DTNA: variants seen among roughly 807,000 people sequenced by gnomAD.
DTNA encodes the protein dystrobrevin alpha.
DTNA carries 43 observed loss-of-function variants against 100.7 expected under a neutral mutation model. The ratio of observed to expected loss-of-function variants is 0.43; its 90% CI spans 0.33 to 0.55. The LOEUF is 0.55. Ranked by LOEUF, DTNA falls within the 20% of genes least tolerant of loss-of-function variation. The pLI is 0.04. For missense variants in DTNA, 798 were observed against 953.9 expected (o/e 0.84, Z 2.15); for synonymous variants, 349 against 347.9 (o/e 1.00, Z -0.04).
intron 1 of DTNA, among the ~76,000 whole-genome samples, chr18:34,638,951 C>T (rs1260794603): frequency 2.6e-5 from 4 of 152,150 alleles, no homozygotes; most frequent in African/African-American, 9.7e-5. Flanking sequence ...AAGTGATTCC[C>T]CAGCCTCAGC....
intron 1 of DTNA, among the ~76,000 whole-genome samples, chr18:34,605,174 A>C (rs12962606): frequency 0.068 from 10,308 of 151,786 alleles, 431 homozygotes; most frequent in African/African-American, 0.082. Context: ...TTTTTCTTGG[A>C]ATTTTCCCAC....
intron 4 of DTNA, among the ~76,000 whole-genome samples, chr18:34,795,009 C>T (rs1464170287): frequency 6.6e-6 from 1 of 152,128 alleles, no homozygotes; most frequent in African/African-American, 2.4e-5. Flanking sequence ...ATGTGGATTC[C>T]CCTGAATTAC....
At chr18:34,686,059 A>G (rs1384968669) in intron 1 of DTNA, among the ~76,000 whole-genome samples, 1 of 152,174 alleles carries the variant, frequency 6.6e-6, no homozygotes, top group Non-Finnish European at 1.5e-5. Context: ...GGGGTTTCCT[A>G]AATATACAAT....
At chr18:34,667,493 T>C (rs1385237270) in intron 1 of DTNA, among the ~76,000 whole-genome samples, 1 of 152,214 alleles carries the variant, frequency 6.6e-6, no homozygotes, top group Non-Finnish European at 1.5e-5. Flanking sequence ...GGCATCCCTG[T>C]CTTGTGCCAG....
At chr18:34,777,736 C>T (rs1196379913) in intron 3 of DTNA, among the ~76,000 whole-genome samples, 2 of 152,156 alleles carry the variant, frequency 1.3e-5, no homozygotes, top group Non-Finnish European at 2.9e-5. Flanking sequence ...TGCGAACTCA[C>T]TCACTATTAT....
At chr18:34,875,110 C>A in intron 17 of DTNA, 129 bp from the exon 18 acceptor site, 1 of 1,363,310 alleles carries the variant, frequency 7.3e-7, no homozygotes, top group Non-Finnish European at 1.0e-6. Context: ...ATTACCAACA[C>A]AATTACCTAG....
At chr18:34,558,348 A>G (rs2046320774) in intron 1 of DTNA, among the ~76,000 whole-genome samples, 1 of 152,224 alleles carries the variant, frequency 6.6e-6, no homozygotes, top group East Asian at 1.9e-4. Context: ...TCACCCTGGG[A>G]GCTGTAGACT....
chr18:34,761,122 T>G, intron 2 of DTNA, among the ~76,000 whole-genome samples: 1 of 143,300 alleles, frequency 7.0e-6, no homozygotes, highest in Admixed American at 7.1e-5. Flanking sequence ...TCTCCCTCCA[T>G]CCTTCACACA....
intron 1 of DTNA, among the ~76,000 whole-genome samples, chr18:34,598,144 G>A (rs1204076862): frequency 6.6e-6 from 1 of 151,800 alleles, no homozygotes; most frequent in Non-Finnish European, 1.5e-5. Flanking sequence ...ATGTCAAGTG[G>A]AGTCAGTAAA....
chr18:34,647,976 G>C (rs553871582), intron 1 of DTNA, among the ~76,000 whole-genome samples: 6 of 152,324 alleles, frequency 3.9e-5, no homozygotes, highest in African/African-American at 1.4e-4. Context: ...ATCTAAATTA[G>C]TTTGGCAATC....
At chr18:34,793,998 T>C in intron 3 of DTNA, 39 bp from the exon 4 acceptor site, 1 of 1,600,844 alleles carries the variant, frequency 6.2e-7, no homozygotes, top group Non-Finnish European at 8.5e-7. Flanking sequence ...TTGCCTTCCA[T>C]TACTTTGGGC....
At chr18:34,771,256 T>C (rs1054507844) in intron 3 of DTNA, among the ~76,000 whole-genome samples, 24 of 152,010 alleles carry the variant, frequency 1.6e-4, no homozygotes, top group Admixed American at 5.2e-4. Context: ...TCCCAGCACT[T>C]TGGGAGGCCG....
At chr18:34,537,316 C>T (rs1451839095) in intron 1 of DTNA, among the ~76,000 whole-genome samples, 1 of 151,890 alleles carries the variant, frequency 6.6e-6, no homozygotes, top group East Asian at 1.9e-4. Flanking sequence ...CTCTTTCTTG[C>T]TGATATAGCA....
chr18:34,868,209 C>A, intron 17 of DTNA: 1 of 296,018 alleles, frequency 3.4e-6, no homozygotes, highest in Non-Finnish European at 4.9e-6. Context: ...AGAAATACCA[C>A]TTCTCAGGGG....
At chr18:34,594,213 A>G (rs1254497448) in intron 1 of DTNA, among the ~76,000 whole-genome samples, 1 of 151,936 alleles carries the variant, frequency 6.6e-6, no homozygotes, top group Non-Finnish European at 1.5e-5. Context: ...GAGAGAAGAC[A>G]AGGGAGAGGA....
chr18:34,689,899 G>A (rs2079498677), intron 1 of DTNA, among the ~76,000 whole-genome samples: 3 of 152,160 alleles, frequency 2.0e-5, no homozygotes, highest in Admixed American at 6.5e-5. Flanking sequence ...AGGTGTTGTG[G>A]TGGGCCCCAC....
chr18:34,606,236 A>G (rs1317385336), intron 1 of DTNA, among the ~76,000 whole-genome samples: 1 of 152,184 alleles, frequency 6.6e-6, no homozygotes, highest in Admixed American at 6.5e-5. Context: ...TCTACTTGAT[A>G]TAGCTGCAAC....
intron 1 of DTNA, among the ~76,000 whole-genome samples, chr18:34,700,175 C>T (rs1006615444): frequency 5.3e-5 from 8 of 152,150 alleles, no homozygotes; most frequent in African/African-American, 1.9e-4. Flanking sequence ...CTCTTATTTT[C>T]AATCTTGATT....
At chr18:34,747,482 C>T (rs572725117) in intron 1 of DTNA, among the ~76,000 whole-genome samples, 11 of 152,144 alleles carry the variant, frequency 7.2e-5, no homozygotes, top group Non-Finnish European at 1.2e-4. Flanking sequence ...AGTCATTTAT[C>T]CCTCACCTCC....
Sources: gnomAD v4.1 joint callset for allele counts (sites outside exome capture counted in the v4.1 genomes callset) on GRCh38, gnomAD v4.1.1 for gene constraint, MANE v1.5 for transcripts, NCBI Gene and HGNC (gene_info 2026-07-23, HGNC 2026-07-21) for gene names.